Variants in FAM117B observed in about 807,000 individuals in gnomAD.
The protein encoded by FAM117B is protein FAM117B.
Under a neutral mutation model 52.8 loss-of-function variants are expected in FAM117B, and 22 were observed. The ratio of observed to expected loss-of-function variants is 0.42; its 90% CI spans 0.30 to 0.59. FAM117B has a LOEUF of 0.59. FAM117B is among the 20% of genes least tolerant of loss of function. The probability of loss-of-function intolerance (pLI) is 0.22; values close to 1 mark genes in which losing one functional copy is unlikely to be tolerated. For missense variants in FAM117B, 678 were observed against 802.6 expected (o/e 0.84, Z 1.88); for synonymous variants, 309 against 324.1 (o/e 0.95, Z 0.50).
chr2:202,652,368 G>C (rs1689971038), intron 1 of FAM117B, among the ~76,000 whole-genome samples: 1 of 152,056 alleles, frequency 6.6e-6, no homozygotes, highest in Non-Finnish European at 1.5e-5. Flanking sequence ...TCCAGTGTTA[G>C]GATTACAGGT....
intron 1 of FAM117B, among the ~76,000 whole-genome samples, chr2:202,643,326 C>T (rs763671670): frequency 4.6e-5 from 7 of 152,044 alleles, no homozygotes; most frequent in Non-Finnish European, 8.8e-5. Context: ...ATGCGAGAGG[C>T]ATGGGATCCA....
chr2:202,750,397 C>T (rs989038210), intron 4 of FAM117B, among the ~76,000 whole-genome samples: 15 of 152,084 alleles, frequency 9.9e-5, no homozygotes, highest in Non-Finnish European at 2.1e-4. Flanking sequence ...CCTGTAATCC[C>T]AGCTACTCGG....
chr2:202,717,629 C>T (rs1405483385), intron 2 of FAM117B, among the ~76,000 whole-genome samples: 2 of 152,128 alleles, frequency 1.3e-5, no homozygotes, highest in East Asian at 3.9e-4. Flanking sequence ...GGCAGAGACC[C>T]TTGTTCGGTT....
At chr2:202,684,939 C>T (rs1390183365) in intron 1 of FAM117B, among the ~76,000 whole-genome samples, 2 of 151,998 alleles carry the variant, frequency 1.3e-5, no homozygotes, top group East Asian at 1.9e-4. Flanking sequence ...ATATCTGTTA[C>T]TCGATTATCT....
At chr2:202,715,376 C>T (rs1559108214) in intron 2 of FAM117B, among the ~76,000 whole-genome samples, 2 of 150,906 alleles carry the variant, frequency 1.3e-5, no homozygotes, top group Non-Finnish European at 3.0e-5. Context: ...GGGGTGGCTG[C>T]CAGGCGGAGG....
chr2:202,734,116 G>A (rs1045141342), intron 4 of FAM117B, among the ~76,000 whole-genome samples: 9 of 152,232 alleles, frequency 5.9e-5, no homozygotes, highest in Non-Finnish European at 1.3e-4. Flanking sequence ...TGGTTGAGTA[G>A]GGCTGGGAAA....
chr2:202,740,726 T>C (rs1021749849), intron 4 of FAM117B, among the ~76,000 whole-genome samples: 5 of 152,172 alleles, frequency 3.3e-5, no homozygotes, highest in African/African-American at 4.8e-5. Flanking sequence ...TCATAGCTTG[T>C]TCATATTGGG....
intron 1 of FAM117B, among the ~76,000 whole-genome samples, chr2:202,657,052 C>T (rs1427411478): frequency 1.3e-5 from 2 of 151,890 alleles, no homozygotes; most frequent in East Asian, 1.9e-4. Context: ...TTATAGACAG[C>T]GTATTGTTGG....
intron 2 of FAM117B, among the ~76,000 whole-genome samples, chr2:202,722,293 C>T (rs754531549): frequency 3.5e-4 from 54 of 152,180 alleles, no homozygotes; most frequent in African/African-American, 1.1e-3. Context: ...TGAGCCACCA[C>T]GCCTGGCCCA....
chr2:202,679,434 A>C (rs111591214), intron 1 of FAM117B, among the ~76,000 whole-genome samples: 1 of 152,324 alleles, frequency 6.6e-6, no homozygotes, highest in Non-Finnish European at 1.5e-5. Context: ...AAATCTGAAT[A>C]GGTGTTTTCT....
At chr2:202,641,628 G>C (rs1689770742) in intron 1 of FAM117B, among the ~76,000 whole-genome samples, 1 of 144,408 alleles carries the variant, frequency 6.9e-6, no homozygotes, top group Admixed American at 7.1e-5. Context: ...CTCAATATTA[G>C]ATATTTTATT....
chr2:202,636,276 CA>C (rs1559090928), intron 1 of FAM117B, among the ~76,000 whole-genome samples: 5 of 152,204 alleles, frequency 3.3e-5, no homozygotes, highest in Non-Finnish European at 5.9e-5. Flanking sequence ...TTAGCAGTGG[CA>C]GATTTGGATC....
intron 1 of FAM117B, among the ~76,000 whole-genome samples, chr2:202,664,673 C>T (rs1440961002): frequency 6.6e-6 from 1 of 152,014 alleles, no homozygotes; most frequent in South Asian, 2.1e-4. Context: ...TTTGATAGTT[C>T]GTTATCATGC....
chr2:202,762,584 C>T (rs1221849121), intron 7 of FAM117B, among the ~76,000 whole-genome samples: 1 of 152,106 alleles, frequency 6.6e-6, no homozygotes, highest in African/African-American at 2.4e-5. Flanking sequence ...ATTTTAAAAA[C>T]AGCGTGAGTT....
chr2:202,716,626 T>G (rs192816328), intron 2 of FAM117B, among the ~76,000 whole-genome samples: 1 of 152,178 alleles, frequency 6.6e-6, no homozygotes, highest in African/African-American at 2.4e-5. Context: ...TTACCTCCCT[T>G]GTAAGGCCTA....
intron 4 of FAM117B, among the ~76,000 whole-genome samples, chr2:202,741,148 C>T (rs562697541): frequency 1.3e-5 from 2 of 152,060 alleles, no homozygotes; most frequent in South Asian, 2.1e-4. Flanking sequence ...GAACGCCAGG[C>T]GCGGTGGCTC....
intron 4 of FAM117B, among the ~76,000 whole-genome samples, chr2:202,753,439 A>T (rs1420541630): frequency 6.6e-6 from 1 of 152,236 alleles, no homozygotes; most frequent in East Asian, 1.9e-4. Context: ...AATACCATTC[A>T]GGACACAGGC....
rs554908259 is a variant in FAM117B, at chr2:202,759,557, ATTTTTTT to A, written c.1451+216_1451+222del. Among the ~76,000 whole-genome samples, 3 of 140,926 alleles carry A rather than the reference ATTTTTTT, an allele frequency of 2.1e-5. No individual in the cohort carries two copies. The East Asian group carries it at 6.3e-4, about 30-fold the overall frequency. 92.5% of individuals were successfully genotyped at this position (140,926 alleles called of 152,430 possible). A position where few individuals can be genotyped will look rare whatever the true frequency, so the allele number is the denominator to read the frequency against. On this transcript the variant is annotated intron_variant, in intron 7 of 7. Transcript: ENST00000392238. ...CAGATGCACACCACTAGCCTGGCTA[ATTTTTTT>A]TTTTTTTTTTTGAGACAGAGTTTCA...
Position 202,768,328 on chromosome 2 carries a change from G to A in FAM117B, c.*2564G>A, listed in dbSNP as rs1692016320. Reference sequence around the variant, plus strand: ...ACTTAAAATTGGAATGGAAGAACAAGTTTCAGAATTATTTACAGTCTTATA... The same window carrying A: ...ACTTAAAATTGGAATGGAAGAACAAATTTCAGAATTATTTACAGTCTTATA... On this transcript the variant is annotated 3_prime_UTR_variant, in exon 8 of 8. Transcript: ENST00000392238. 6.6e-6 allele frequency: 1 copy of A among 152,174 alleles called. No homozygotes were observed. Among genetic ancestry groups the A allele is most frequent in the African/African-American group, 2.4e-5 (1 of 41,434 alleles). The allele number at this position is 152,174 out of a possible 1,614,324, so 9.4% of individuals were successfully genotyped here. A position where few individuals can be genotyped will look rare whatever the true frequency, so the allele number is the denominator to read the frequency against.
Sources: allele counts gnomAD v4.1 joint callset (sites outside exome capture counted in the v4.1 genomes callset), GRCh38; gene constraint gnomAD v4.1.1; transcripts MANE v1.5; gene names NCBI Gene and HGNC (gene_info 2026-07-23, HGNC 2026-07-21).